DLC1: variants seen among roughly 807,000 people sequenced by gnomAD.
DLC1 encodes DLC1 Rho GTPase activating protein, also known as rho GTPase-activating protein 7.
In DLC1, 54 loss-of-function variants were observed where a neutral mutation model predicts 140.3. The ratio of observed to expected loss-of-function variants is 0.38; its 90% CI spans 0.31 to 0.48. The LOEUF is 0.48. DLC1 is among the 20% of genes least tolerant of loss of function. DLC1 has a pLI of 0.96. For synonymous variants in DLC1, 986 were observed against 728.1 expected, an observed-to-expected ratio of 1.35 and a Z score of -5.70; for missense variants, 2,536 against 1,907.0, an observed-to-expected ratio of 1.33 and a Z score of -6.14.
At chr8:13,319,441 C>G (rs1380589665) in intron 4 of DLC1, among the ~76,000 whole-genome samples, 1 of 147,300 alleles carries the variant, frequency 6.8e-6, no homozygotes, top group African/African-American at 2.6e-5. Flanking sequence ...GAATTGTAAT[C>G]CCCAGTGCTG....
At chr8:13,604,125 G>A (rs1048849393) in intron 1 of DLC1, among the ~76,000 whole-genome samples, 1 of 151,902 alleles carries the variant, frequency 6.6e-6, no homozygotes, top group Non-Finnish European at 1.5e-5. Flanking sequence ...AAATAGTAGA[G>A]GTAGAAACAA....
At chr8:13,258,054 A>G (rs1830322962) in intron 5 of DLC1, among the ~76,000 whole-genome samples, 1 of 152,238 alleles carries the variant, frequency 6.6e-6, no homozygotes, top group South Asian at 2.1e-4. Context: ...TAACTACTTA[A>G]ACACAGCAAG....
Position 13,474,511 on chromosome 8 carries a change from C to T in DLC1, c.1023+24538G>A, listed in dbSNP as rs1013050577. ...GAGCTGTGAGAAAAGGGCCACTGTC[C>T]TCCAGACCCCAGAATGGTAGATCCA... is the stretch of plus-strand genomic sequence containing the variant. On this transcript the variant is annotated intron_variant, in intron 2 of 17. Transcript: ENST00000276297. 1.3e-4 allele frequency among the ~76,000 whole-genome samples: 20 copies of T among 152,156 alleles called. 1 individual carries two copies. The highest frequency in any genetic ancestry group is 1.5e-5 in the Non-Finnish European group (1 of 68,036).
intron 6 of DLC1, among the ~76,000 whole-genome samples, chr8:13,111,803 G>A (rs1585656484): frequency 6.6e-6 from 1 of 151,838 alleles, no homozygotes; most frequent in African/African-American, 2.4e-5. Flanking sequence ...ACCAGACCTG[G>A]GTGAAATCAG....
chr8:13,596,765 C>T (rs1419119663), intron 1 of DLC1, among the ~76,000 whole-genome samples: 3 of 152,026 alleles, frequency 2.0e-5, no homozygotes, highest in African/African-American at 7.2e-5. Context: ...TAAGACTTCA[C>T]ACAAATCTGG....
At chr8:13,564,288 A>T (rs1020032913) in intron 1 of DLC1, among the ~76,000 whole-genome samples, 1 of 152,204 alleles carries the variant, frequency 6.6e-6, no homozygotes, top group East Asian at 1.9e-4. Flanking sequence ...TTGAACAACT[A>T]TAAATAAAAT....
chr8:13,276,322 C>G, intron 5 of DLC1: 1 of 1,533,024 alleles, frequency 6.5e-7, no homozygotes, highest in Non-Finnish European at 8.7e-7. Context: ...GCCGTGGAGT[C>G]CCTGATGTGA....
intron 2 of DLC1, among the ~76,000 whole-genome samples, chr8:13,459,906 C>T (rs1251517947): frequency 3.3e-5 from 5 of 152,174 alleles, no homozygotes; most frequent in South Asian, 4.1e-4. Context: ...CCTGGTGACA[C>T]GCCCTCATCT....
Position 13,499,977 on chromosome 8 carries a change from T to A in DLC1, c.95A>T (p.His32Leu). The A allele has an allele frequency of 6.2e-7, 1 of 1,614,138 alleles. No homozygotes were observed. Among genetic ancestry groups the A allele is most frequent in the Non-Finnish European group, 8.5e-7 (1 of 1,179,996 alleles). Reference protein sequence around the residue: ...FNSDDRNTACHHGLVADSLQA... With the variant: ...FNSDDRNTACLHGLVADSLQA... ...CAAGCTGTCAGCTACTAGTCCATGA[T>A]GACATGCTGTGTTACGATCATCAGA... Residue 32 changes from histidine (H) to leucine (L), a missense_variant, in exon 2 of 18, where the codon CAT (histidine) becomes CTT (leucine). His to Leu is a moderately conservative substitution (Grantham distance 99). Transcript: ENST00000276297.
intron 1 of DLC1, among the ~76,000 whole-genome samples, chr8:13,602,139 GGA>G (rs1563469113): frequency 1.1e-3 from 170 of 151,784 alleles, no homozygotes; most frequent in African/African-American, 4.0e-3. Flanking sequence ...GGAAATCAGA[GGA>G]ACATGTTAAA....
At position 13,180,541 on chromosome 8, in the gene DLC1, T is replaced by C. The variant is rs953707769; in HGVS notation, c.1349-64884A>G. 2.6e-5 allele frequency among the ~76,000 whole-genome samples: 4 copies of C among 152,102 alleles called. No individual in the cohort carries two copies. In the East Asian group the frequency reaches 7.7e-4, roughly 29 times the overall value. Reference sequence around the variant, plus strand: ...GAAGAAGCCAATGTACAATAGACCATGGGTAGAAAGAACACAATTTTGGCA... The same window carrying C: ...GAAGAAGCCAATGTACAATAGACCACGGGTAGAAAGAACACAATTTTGGCA... On this transcript the variant is annotated intron_variant, in intron 5 of 17. Coordinates refer to ENST00000276297, the MANE Select transcript of DLC1 (RefSeq NM_182643.3).
intron 4 of DLC1, among the ~76,000 whole-genome samples, chr8:13,312,386 A>AAAAAAAAAAAAAAAAAAAAAAAT (rs71207139): frequency 8.6e-5 from 7 of 81,678 alleles, no homozygotes; most frequent in Admixed American, 1.5e-4. Context: ...AAAAAAAAAA[A>AAAAAAAAAAAAAAAAAAAAAAAT]AATAATTTCT....
At chr8:13,599,862 A>T (rs1805812387) in intron 1 of DLC1, among the ~76,000 whole-genome samples, 1 of 151,988 alleles carries the variant, frequency 6.6e-6, no homozygotes, top group Non-Finnish European at 1.5e-5. Flanking sequence ...ATAACTAACT[A>T]AAATGTATAG....
At chr8:13,461,995 C>T (rs569777002) in intron 2 of DLC1, among the ~76,000 whole-genome samples, 1 of 152,170 alleles carries the variant, frequency 6.6e-6, no homozygotes, top group African/African-American at 2.4e-5. Context: ...AGAGAAAGCC[C>T]CGTTTTACGA....
chr8:13,531,094 A>G (rs1253826666), intron 1 of DLC1, among the ~76,000 whole-genome samples: 1 of 152,134 alleles, frequency 6.6e-6, no homozygotes, highest in Admixed American at 6.5e-5. Context: ...AGACATGGGA[A>G]GAAGGTGGCA....
chr8:13,091,421 C>G lies in DLC1; in HGVS notation c.3752G>C (p.Arg1251Thr). 1 of 1,613,834 alleles carries G rather than the reference C, an allele frequency of 6.2e-7. No individual in the cohort carries two copies. ...ATCTGGTTTGCCCAAACTTTGTTTT[C>G]TTTGCATTACCCTAGGTAGAAGAAA... ...RENSSPRVMQ[R>T]KQSLGKPDQK... The change falls in exon 14 of 18, where the codon AGA (arginine) becomes ACA (threonine). Residue 1251 changes from arginine (R) to threonine (T), a missense_variant. Coordinates refer to ENST00000276297, the MANE Select transcript of DLC1 (RefSeq NM_182643.3).
chr8:13,510,362 A>C (rs914062842), intron 1 of DLC1, among the ~76,000 whole-genome samples: 7 of 151,910 alleles, frequency 4.6e-5, no homozygotes, highest in Admixed American at 1.3e-4. Context: ...TTTTCAGGAG[A>C]GATGGGGTTT....
At chr8:13,520,451 C>T (rs532565477) in intron 1 of DLC1, among the ~76,000 whole-genome samples, 7 of 151,832 alleles carry the variant, frequency 4.6e-5, no homozygotes, top group Non-Finnish European at 7.4e-5. Context: ...GGGAGGGGAA[C>T]ATCACACACT....
At chr8:13,209,371 G>C (rs1377596329) in intron 5 of DLC1, among the ~76,000 whole-genome samples, 3 of 152,052 alleles carry the variant, frequency 2.0e-5, no homozygotes, top group Non-Finnish European at 4.4e-5. Flanking sequence ...TGCAAGTAGA[G>C]AACAATAACA....
Sources: allele counts gnomAD v4.1 joint callset (sites outside exome capture counted in the v4.1 genomes callset), GRCh38; gene constraint gnomAD v4.1.1; transcripts MANE v1.5; gene names NCBI Gene and HGNC (gene_info 2026-07-23, HGNC 2026-07-21).